CEPT1: variants seen among roughly 807,000 people sequenced by gnomAD.
CEPT1 encodes the protein choline/ethanolamine phosphotransferase 1, also known as choline/ethanolaminephosphotransferase 1.
CEPT1 carries 7 observed loss-of-function variants against 42.6 expected under a neutral mutation model. The observed-to-expected ratio is 0.16, with a 90% confidence interval of 0.09 to 0.31. CEPT1 has a LOEUF of 0.31. Ranked by LOEUF, CEPT1 falls within the 10% of genes least tolerant of loss-of-function variation. CEPT1 has a pLI of 1.00. For synonymous variants in CEPT1, 171 were observed against 171.9 expected (o/e 0.99, Z 0.04); for missense variants, 306 against 502.1 (o/e 0.61, Z 3.73).
chr1:111,143,286 C>T (rs1489393121), intron 1 of CEPT1, among the ~76,000 whole-genome samples: 1 of 152,186 alleles, frequency 6.6e-6, no homozygotes, highest in East Asian at 1.9e-4. Flanking sequence ...ATTCTTCCTC[C>T]TCCCCTAAAA....
upstream of CEPT1, chr1:111,139,500 C>T (rs1024632132): frequency 2.0e-5 from 3 of 152,256 alleles, no homozygotes; most frequent in African/African-American, 7.2e-5. Context: ...CCAGAACTCA[C>T]AACAGGAACG....
At chr1:111,159,631 A>T in intron 3 of CEPT1, 104 bp downstream of exon 3, 1 of 849,672 alleles carries the variant, frequency 1.2e-6, no homozygotes, top group Non-Finnish European at 1.7e-6. Context: ...GTAATTTTGT[A>T]TTAAATTTTA....
At chr1:111,154,832 A>C (rs1168272643) in intron 2 of CEPT1, among the ~76,000 whole-genome samples, 1 of 152,106 alleles carries the variant, frequency 6.6e-6, no homozygotes, top group East Asian at 1.9e-4. Flanking sequence ...CCCTGAGTTA[A>C]ATCCTCCTTC....
intron 2 of CEPT1, among the ~76,000 whole-genome samples, chr1:111,150,824 CTT>C (rs1052010720): frequency 9.9e-5 from 15 of 152,142 alleles, no homozygotes; most frequent in Admixed American, 2.0e-4. Context: ...AGACTTCTCT[CTT>C]TTTATATGGA....
At chr1:111,155,753 G>A (rs1571126200) in intron 2 of CEPT1, among the ~76,000 whole-genome samples, 1 of 152,252 alleles carries the variant, frequency 6.6e-6, no homozygotes, top group African/African-American at 2.4e-5. Flanking sequence ...GACCATGCTG[G>A]TCTCAAACTC....
rs772702421 is a variant in CEPT1, at chr1:111,147,997, A to G, written c.283A>G (p.Ile95Val). The G allele has an allele frequency of 7.4e-6, 12 of 1,614,106 alleles. No homozygotes were observed. Among genetic ancestry groups the G allele is most frequent in the African/African-American group, 2.7e-5 (2 of 74,934 alleles). Residue 95 changes from isoleucine to valine, a missense_variant, in exon 2 of 9, where the codon ATA becomes GTA. Physicochemically the swap from Ile to Val is conservative, Grantham distance 29 (BLOSUM62 3). Coordinates refer to ENST00000357172, the MANE Select transcript of CEPT1 (RefSeq NM_006090.5). The stretch of plus-strand genomic sequence containing the variant: ...TCTCATCACCATCATTGGACTGTCA[A>G]TAAACATCTGTACAACTATTTTATT... Reference protein sequence around the residue: ...PNLITIIGLSINICTTILLVF... With the variant: ...PNLITIIGLSVNICTTILLVF...
At chr1:111,140,112 G>C (rs985516610), upstream of CEPT1, 4 of 150,460 alleles carry the variant, frequency 2.7e-5, no homozygotes, top group African/African-American at 9.8e-5. Flanking sequence ...GGGCCACGGG[G>C]CGCGCTCCCG....
At chr1:111,182,702 T>C (rs1657049669) in intron 6 of CEPT1, 97 bp from the exon 7 acceptor site, 1 of 1,162,810 alleles carries the variant, frequency 8.6e-7, no homozygotes, top group Non-Finnish European at 1.2e-6. Context: ...ATGAGGTTCC[T>C]GAAAGTTTGA....
At chr1:111,149,420 G>A (rs556115497) in intron 2 of CEPT1, among the ~76,000 whole-genome samples, 41 of 151,814 alleles carry the variant, frequency 2.7e-4, no homozygotes, top group African/African-American at 8.9e-4. Flanking sequence ...GCACCATCAC[G>A]CCCGGCTAAT....
intron 3 of CEPT1, 187 bp downstream of exon 3, chr1:111,159,714 C>T: frequency 2.2e-6 from 1 of 448,424 alleles, no homozygotes; most frequent in Admixed American, 4.5e-5. Flanking sequence ...TTAGAAATTA[C>T]TTTCTGCTTG....
chr1:111,177,731 T>C (rs957251356), intron 5 of CEPT1, among the ~76,000 whole-genome samples: 61 of 152,324 alleles, frequency 4.0e-4, no homozygotes, highest in African/African-American at 1.3e-3. Context: ...TTTTAAATTA[T>C]ATGTTTTATC....
intron 2 of CEPT1, among the ~76,000 whole-genome samples, chr1:111,155,473 CAT>C (rs1157239760): frequency 6.6e-6 from 1 of 151,442 alleles, no homozygotes; most frequent in Non-Finnish European, 1.5e-5. Context: ...ATACACACAA[CAT>C]ATATGACACA....
At chr1:111,172,334 C>G (rs1020778839) in intron 4 of CEPT1, among the ~76,000 whole-genome samples, 2 of 151,572 alleles carry the variant, frequency 1.3e-5, no homozygotes, top group African/African-American at 4.9e-5. Flanking sequence ...AGGAATAGTC[C>G]CAACACTTGG....
intron 4 of CEPT1, among the ~76,000 whole-genome samples, chr1:111,173,799 A>T (rs1048947910): frequency 2.0e-5 from 3 of 152,182 alleles, no homozygotes; most frequent in Non-Finnish European, 1.5e-5. Flanking sequence ...TACACAAAAA[A>T]TAGCCTGTAC....
intron 4 of CEPT1, chr1:111,173,034 T>A (rs767462211): frequency 6.6e-6 from 1 of 152,254 alleles, no homozygotes; most frequent in Non-Finnish European, 1.5e-5. Context: ...TATTCATCCA[T>A]GGTACAAAGA....
chr1:111,146,366 C>T (rs1654965313), intron 1 of CEPT1, among the ~76,000 whole-genome samples: 1 of 152,012 alleles, frequency 6.6e-6, no homozygotes, highest in African/African-American at 2.4e-5. Context: ...CACTACACCC[C>T]AAAAGCCAAA....
In CEPT1 at chr1:111,177,547, A is replaced by G. The variant is rs568928381; in HGVS notation, c.714+2584A>G. Among the ~76,000 whole-genome samples the G allele has an allele frequency of 9.2e-5, 14 of 152,332 alleles. 2 individuals are homozygous for G. The highest frequency in any genetic ancestry group is 3.1e-4 in the African/African-American group (13 of 41,578). On this transcript the variant is annotated intron_variant, in intron 5 of 8. Transcript: ENST00000357172. ...AAATGAAGTTGTCTGTGCACGTTATATACATATCCTTATTTCTTAGGTGAT... is the reference window on the plus strand; with the variant it reads ...AAATGAAGTTGTCTGTGCACGTTATGTACATATCCTTATTTCTTAGGTGAT...
intron 1 of CEPT1, among the ~76,000 whole-genome samples, chr1:111,146,952 A>C (rs1431675567): frequency 1.3e-5 from 2 of 151,680 alleles, no homozygotes; most frequent in African/African-American, 4.8e-5. Flanking sequence ...TTTAATTTAA[A>C]CAGAAACCCT....
chr1:111,178,890 C>T (rs1656834160), intron 5 of CEPT1: 1 of 152,056 alleles, frequency 6.6e-6, no homozygotes, highest in South Asian at 2.1e-4. Flanking sequence ...CTTTAAAATG[C>T]CTTTACACTT....
Sources: allele counts gnomAD v4.1 joint callset (sites outside exome capture counted in the v4.1 genomes callset), GRCh38; gene constraint gnomAD v4.1.1; transcripts MANE v1.5; gene names NCBI Gene and HGNC (gene_info 2026-07-23, HGNC 2026-07-21).